MACF1: variants seen among roughly 807,000 people sequenced by gnomAD.
The protein encoded by MACF1 is microtubule-actin cross-linking factor 1.
In MACF1, 193 loss-of-function variants were observed where a neutral mutation model predicts 854.8. That is an observed-to-expected ratio of 0.23 (90% CI 0.20 to 0.25). The LOEUF is 0.25. Ranked by LOEUF, MACF1 falls within the 10% of genes least tolerant of loss-of-function variation. The pLI is 1.00. For missense variants in MACF1, 7,722 were observed against 8,929.1 expected (o/e 0.86, Z 5.45); for synonymous variants, 3,185 against 3,226.7 (o/e 0.99, Z 0.44).
In MACF1 at chr1:39,360,826, A is replaced by G; in HGVS notation, c.12278A>G (p.Tyr4093Cys). ...SILSHFQSLS[Y>C]SLAERSSLLQ... ...CTCAGCCACTTCCAAAGCCTCTCCT[A>G]TAGCCTGGCTGAGCGATCTTCTCTG... The change falls in exon 48 of 101, where the codon TAT (tyrosine) becomes TGT (cysteine). Residue 4093 changes from tyrosine (Y) to cysteine (C), a missense_variant. Around this residue, in one of 15 missense-constraint regions of MACF1, gnomAD observed 2,807 missense variants for 3,235.8 expected, o/e 0.87. Coordinates refer to ENST00000564288, the MANE Select transcript of MACF1 (RefSeq NM_001394062.1). 1.9e-6 allele frequency: 3 copies of G among 1,614,042 alleles called. No individual in the cohort carries two copies. The highest frequency in any genetic ancestry group is 2.5e-6 in the Non-Finnish European group (3 of 1,180,012).
intron 67 of MACF1, 42 bp from the exon 68 acceptor site, chr1:39,433,006 A>G (rs1643900495): frequency 3.2e-6 from 4 of 1,268,588 alleles, no homozygotes; most frequent in Non-Finnish European, 4.5e-6. Context: ...AATAACAGGA[A>G]AAGGGTCTTT....
At chr1:39,149,229 G>C (rs1468313765) in intron 2 of MACF1, among the ~76,000 whole-genome samples, 1 of 152,168 alleles carries the variant, frequency 6.6e-6, no homozygotes, top group East Asian at 1.9e-4. Context: ...ATTACTTGAA[G>C]TGGGAAATTA....
At chr1:39,194,447 G>T (rs566190584) in intron 2 of MACF1, among the ~76,000 whole-genome samples, 2 of 145,272 alleles carry the variant, frequency 1.4e-5, no homozygotes, top group African/African-American at 5.2e-5. Flanking sequence ...TCCACCTCCC[G>T]GGCTCAAGGG....
chr1:39,255,819 G>T (rs1331136402), intron 5 of MACF1, among the ~76,000 whole-genome samples: 2 of 152,160 alleles, frequency 1.3e-5, no homozygotes, highest in Non-Finnish European at 2.9e-5. Flanking sequence ...GCCTGTGTGT[G>T]GAGCTAGAGG....
chr1:39,274,511 A>G (rs1242718937), intron 6 of MACF1, among the ~76,000 whole-genome samples: 1 of 152,240 alleles, frequency 6.6e-6, no homozygotes, highest in Non-Finnish European at 1.5e-5. Flanking sequence ...AATTATAAGT[A>G]ATCTAGAGAT....
At chr1:39,147,898 G>A (rs1643501934) in intron 2 of MACF1, among the ~76,000 whole-genome samples, 1 of 152,172 alleles carries the variant, frequency 6.6e-6, no homozygotes, top group African/African-American at 2.4e-5. Context: ...TATGCCAGTG[G>A]TCATGCCACA....
chr1:39,189,389 C>G (rs758287719), intron 2 of MACF1, among the ~76,000 whole-genome samples: 5 of 152,148 alleles, frequency 3.3e-5, no homozygotes, highest in Non-Finnish European at 5.9e-5. Context: ...TTTTAATTCT[C>G]TTACTGTCAC....
intron 58 of MACF1, chr1:39,410,772 G>A: frequency 6.2e-7 from 1 of 1,614,000 alleles, no homozygotes; most frequent in Non-Finnish European, 8.5e-7. Flanking sequence ...AAGAGAAGAA[G>A]GAGTCCAGTT....
At chr1:39,314,961 A>T (rs1046523815) in intron 26 of MACF1, among the ~76,000 whole-genome samples, 1 of 152,236 alleles carries the variant, frequency 6.6e-6, no homozygotes, top group African/African-American at 2.4e-5. Flanking sequence ...TCTGAAATAC[A>T]GTTAGGCTTA....
Position 39,334,600 on chromosome 1 carries a change from A to C in MACF1, c.8012A>C (p.Gln2671Pro). 6.2e-7 allele frequency: 1 copy of C among 1,614,176 alleles called. No homozygotes were observed. Among genetic ancestry groups the C allele is most frequent in the East Asian group, 2.2e-5 (1 of 44,874 alleles). ...GTGCTTACATTGTCTCAAGCAATTC[A>C]GCTTGGAAAAGTAGACTTTGCATCT... Reference protein sequence around the residue: ...DKVLTLSQAIQLGKVDFASTL... With the variant: ...DKVLTLSQAIPLGKVDFASTL... The change falls in exon 37 of 101, where the codon CAG becomes CCG. Residue 2671 changes from glutamine (Q) to proline (P), a missense_variant. By Grantham distance (76) the Gln-to-Pro change is moderately conservative. This residue lies in a region of MACF1 where 1,531 missense variants were observed against 1,601.6 expected (regional missense o/e 0.96). Transcript: ENST00000564288.
chr1:39,165,602 C>T (rs1188108895), intron 2 of MACF1, among the ~76,000 whole-genome samples: 4 of 152,176 alleles, frequency 2.6e-5, no homozygotes, highest in Non-Finnish European at 5.9e-5. Context: ...CCATTTTCCC[C>T]TCATCCTTGA....
At chr1:39,439,816 G>A (rs1019897629) in intron 72 of MACF1, among the ~76,000 whole-genome samples, 1 of 152,036 alleles carries the variant, frequency 6.6e-6, no homozygotes, top group African/African-American at 2.4e-5. Context: ...ATGTTGACCA[G>A]AGTGGTTCTG....
chr1:39,174,510 G>A (rs1406981058), intron 2 of MACF1, among the ~76,000 whole-genome samples: 2 of 152,056 alleles, frequency 1.3e-5, no homozygotes, highest in Non-Finnish European at 2.9e-5. Flanking sequence ...TGAAAAGGAA[G>A]CAGACATTCC....
Position 39,454,934 on chromosome 1 carries a change from A to G in MACF1, c.20912A>G (p.Gln6971Arg), listed in dbSNP as rs756294042. The G allele has an allele frequency of 1.2e-6, 2 of 1,614,208 alleles. No homozygotes were observed. Among genetic ancestry groups the G allele is most frequent in the Non-Finnish European group, 1.7e-6 (2 of 1,180,010 alleles). Residue 6971 changes from glutamine to arginine, a missense_variant, in exon 89 of 101, where the codon CAG becomes CGG. Around this residue, in one of 15 missense-constraint regions of MACF1, gnomAD observed 729 missense variants for 900.5 expected, o/e 0.81. Coordinates refer to ENST00000564288, the MANE Select transcript of MACF1 (RefSeq NM_001394062.1). ...GTCCTGACATGGGCTAAGCAGCACC[A>G]GCAGCGTCTTGAAACGGCCTTGTCA... ...EEVLTWAKQH[Q>R]QRLETALSEL...
At chr1:39,125,456 A>G (rs546511292) in intron 2 of MACF1, among the ~76,000 whole-genome samples, 2 of 152,340 alleles carry the variant, frequency 1.3e-5, no homozygotes, top group Middle Eastern at 3.4e-3. Context: ...AGCACCTAGC[A>G]TATGTGAAAC....
At chr1:39,107,044 T>A (rs1187969076) in intron 2 of MACF1, among the ~76,000 whole-genome samples, 3 of 152,102 alleles carry the variant, frequency 2.0e-5, no homozygotes, top group Non-Finnish European at 4.4e-5. Context: ...GCTGCTGAAC[T>A]TCATTGAAAA....
chr1:39,316,632 C>A, intron 28 of MACF1, 103 bp downstream of exon 28: 2 of 1,157,680 alleles, frequency 1.7e-6, no homozygotes, highest in African/African-American at 1.5e-5. Context: ...TTTAAATTTG[C>A]ATTTGAATAA....
At chr1:39,459,937 G>A in intron 91 of MACF1, 3 of 847,570 alleles carry the variant, frequency 3.5e-6, no homozygotes, top group Non-Finnish European at 5.1e-6. Context: ...TTTGGAGTTT[G>A]AAAGACCAAG....
At chr1:39,286,176 G>A (rs551267849) in intron 14 of MACF1, among the ~76,000 whole-genome samples, 29 of 152,132 alleles carry the variant, frequency 1.9e-4, no homozygotes, top group African/African-American at 7.0e-4. Context: ...GCCATGCCCA[G>A]CTAATTTTTG....
Sources: allele counts gnomAD v4.1 joint callset (sites outside exome capture counted in the v4.1 genomes callset), GRCh38; gene constraint gnomAD v4.1.1; regional missense constraint gnomAD v4.1.1; transcripts MANE v1.5; gene names NCBI Gene and HGNC (gene_info 2026-07-23, HGNC 2026-07-21).